Variants in ZNF704 observed in about 807,000 individuals in gnomAD.
ZNF704 encodes the protein zinc finger protein 704.
A neutral mutation model predicts 44.7 loss-of-function variants in ZNF704; 10 were observed. The ratio of observed to expected loss-of-function variants is 0.22; its 90% CI spans 0.14 to 0.38. The LOEUF (loss-of-function observed/expected upper bound fraction) is 0.38. ZNF704 is among the 10% of genes least tolerant of loss of function. The probability of loss-of-function intolerance (pLI) is 1.00; values close to 1 mark genes in which losing one functional copy is unlikely to be tolerated. For synonymous variants in ZNF704, 211 were observed against 207.6 expected (o/e 1.02, Z -0.14); for missense variants, 390 against 545.5 (o/e 0.71, Z 2.84).
chr8:80,878,639 G>A (rs544833605), upstream of ZNF704, among the ~76,000 whole-genome samples: 48 of 152,134 alleles, frequency 3.2e-4, no homozygotes, highest in South Asian at 8.3e-4. Flanking sequence ...TCATCCCACC[G>A]TATGAAAAAT....
intron 2 of ZNF704, among the ~76,000 whole-genome samples, chr8:80,717,980 G>A (rs1357766813): frequency 6.6e-6 from 1 of 152,104 alleles, no homozygotes; most frequent in Non-Finnish European, 1.5e-5. Context: ...ATTTTTCTAG[G>A]TTAAGGCTTC....
At position 80,641,419 on chromosome 8, in the gene ZNF704, T is replaced by A; in HGVS notation, c.1186A>T (p.Met396Leu). The stretch of plus-strand genomic sequence containing the variant: ...TTCCAGCGGCAGGCGGTACACCACA[T>A]GTCTCGGTTCTCCATCCCGTACACC... ...RKVYGMENRDMWCTACRWKKA... is the reference protein window; with the variant it reads ...RKVYGMENRDLWCTACRWKKA... Residue 396 changes from methionine (M) to leucine (L), a missense_variant, in exon 9 of 9, where the codon ATG (methionine) becomes TTG (leucine). Around this residue, in one of 3 missense-constraint regions of ZNF704, gnomAD observed 305 missense variants for 435.7 expected, o/e 0.70. Transcript: ENST00000327835. 3 of 1,607,820 alleles carry A rather than the reference T, an allele frequency of 1.9e-6. No individual in the cohort carries two copies. Among genetic ancestry groups the A allele is most frequent in the Non-Finnish European group, 2.6e-6 (3 of 1,176,410 alleles).
intron 1 of ZNF704, among the ~76,000 whole-genome samples, chr8:80,860,320 G>A (rs951117146): frequency 6.6e-6 from 1 of 152,132 alleles, no homozygotes; most frequent in African/African-American, 2.4e-5. Flanking sequence ...GTTGAAATGG[G>A]GCAAGTGGAA....
chr8:80,883,427 G>A, the ZNF704 span, among the ~76,000 whole-genome samples: 10 of 152,200 alleles, frequency 6.6e-5, no homozygotes, highest in African/African-American at 2.4e-4. Flanking sequence ...GATGGAAATG[G>A]TCTATATCTG....
Position 80,783,822 on chromosome 8 carries a change from C to T in ZNF704, c.221+37552G>A, listed in dbSNP as rs114577878. ...AAGGGTTAATGACAGGCAGAGTCAC[C>T]ATTATAGCATCATACAAGGTAGTTT... On this transcript the variant is annotated intron_variant, in intron 2 of 8. Coordinates refer to ENST00000327835, the MANE Select transcript of ZNF704 (RefSeq NM_001033723.3). Among the ~76,000 whole-genome samples, 383 of 152,156 alleles carry T rather than the reference C, an allele frequency of 2.5e-3. 1 individual carries two copies. The highest frequency in any genetic ancestry group is 8.9e-3 in the African/African-American group (368 of 41,526).
chr8:80,880,816 G>A, the ZNF704 span, among the ~76,000 whole-genome samples: 1 of 152,300 alleles, frequency 6.6e-6, no homozygotes, highest in African/African-American at 2.4e-5. Context: ...TTTAAAGTAA[G>A]TGAAAGATAG....
intron 2 of ZNF704, among the ~76,000 whole-genome samples, chr8:80,787,280 A>G (rs997685081): frequency 1.3e-5 from 2 of 152,342 alleles, no homozygotes; most frequent in Non-Finnish European, 2.9e-5. Flanking sequence ...AAAATTATGC[A>G]TATGAGAGCA....
chr8:80,819,750 A>C (rs541673862), intron 2 of ZNF704, among the ~76,000 whole-genome samples: 3 of 152,318 alleles, frequency 2.0e-5, no homozygotes, highest in Admixed American at 2.0e-4. Context: ...TAGAAAAGCA[A>C]ATAATTCCAA....
intron 1 of ZNF704, among the ~76,000 whole-genome samples, chr8:80,872,752 C>G (rs77921846): frequency 0.056 from 8,575 of 152,242 alleles, 269 homozygotes; most frequent in Middle Eastern, 0.14. Context: ...ACGGAAAAAT[C>G]TCTCGGCGCT....
In ZNF704 at chr8:80,869,115, C is replaced by T. The variant is rs559370338; in HGVS notation, c.-22+5456G>A. ...AAGTTGATAACAATAATGCCTGACTCGAGGATATGTAATGAAATTTAAATG... is the reference window on the plus strand; with the variant it reads ...AAGTTGATAACAATAATGCCTGACTTGAGGATATGTAATGAAATTTAAATG... On this transcript the variant is annotated intron_variant, in intron 1 of 8. Transcript: ENST00000327835. Among the ~76,000 whole-genome samples the T allele has an allele frequency of 9.2e-5, 14 of 152,228 alleles. No individual in the cohort carries two copies. The South Asian group carries it at 2.9e-3, about 32-fold the overall frequency.
At chr8:80,659,195 C>T (rs991308265) in intron 7 of ZNF704, among the ~76,000 whole-genome samples, 3 of 152,124 alleles carry the variant, frequency 2.0e-5, no homozygotes, top group East Asian at 1.9e-4. Context: ...AAATGACATA[C>T]GTACAGAACA....
intron 2 of ZNF704, among the ~76,000 whole-genome samples, chr8:80,801,066 G>A (rs1265591366): frequency 6.6e-6 from 1 of 152,116 alleles, no homozygotes; most frequent in Non-Finnish European, 1.5e-5. Context: ...AGACAAAGAA[G>A]GGCATTCCAT....
At chr8:80,690,727 G>A (rs886933336) in intron 3 of ZNF704, among the ~76,000 whole-genome samples, 5 of 152,188 alleles carry the variant, frequency 3.3e-5, no homozygotes, top group African/African-American at 9.7e-5. Context: ...AGGAGGTGTC[G>A]GCTAGGTATG....
intron 2 of ZNF704, among the ~76,000 whole-genome samples, chr8:80,711,982 C>T (rs1257114309): frequency 1.3e-5 from 2 of 152,262 alleles, no homozygotes; most frequent in Non-Finnish European, 1.5e-5. Context: ...TTAAAAATGC[C>T]CTTAACAAAT....
intron 1 of ZNF704, among the ~76,000 whole-genome samples, chr8:80,857,291 T>C (rs1808979103): frequency 6.6e-6 from 1 of 152,182 alleles, no homozygotes; most frequent in South Asian, 2.1e-4. Context: ...GCAGACATCC[T>C]TGCCTTATTC....
intron 1 of ZNF704, among the ~76,000 whole-genome samples, chr8:80,823,540 C>T (rs1000839997): frequency 1.3e-5 from 2 of 152,244 alleles, no homozygotes; most frequent in African/African-American, 4.8e-5. Flanking sequence ...TGCAGACTTA[C>T]ACGTCCCTGT....
intron 4 of ZNF704, among the ~76,000 whole-genome samples, chr8:80,686,552 T>G (rs1158812248): frequency 1.3e-5 from 2 of 152,084 alleles, no homozygotes; most frequent in Non-Finnish European, 2.9e-5. Context: ...GAGCTAATTT[T>G]TTTTTTATTT....
intron 2 of ZNF704, among the ~76,000 whole-genome samples, chr8:80,762,445 G>A (rs1331586399): frequency 1.3e-5 from 2 of 152,154 alleles, no homozygotes; most frequent in East Asian, 3.9e-4. Flanking sequence ...AGACTGAAGT[G>A]CAAGCAGAGG....
chr8:80,699,299 T>C (rs1419808492), intron 2 of ZNF704, among the ~76,000 whole-genome samples: 1 of 152,184 alleles, frequency 6.6e-6, no homozygotes. Flanking sequence ...TTTGAAGAAA[T>C]CTTGTAGAAA....
Sources: allele counts gnomAD v4.1 joint callset (sites outside exome capture counted in the v4.1 genomes callset), GRCh38; gene constraint gnomAD v4.1.1; regional missense constraint gnomAD v4.1.1; transcripts MANE v1.5; gene names NCBI Gene and HGNC (gene_info 2026-07-23, HGNC 2026-07-21).